Variants in GABARAPL2 observed in about 807,000 individuals in gnomAD.
GABARAPL2 encodes gamma-aminobutyric acid receptor-associated protein-like 2.
Under a neutral mutation model 16.9 loss-of-function variants are expected in GABARAPL2, and 11 were observed. That is an observed-to-expected ratio of 0.65 (90% CI 0.41 to 1.08). The LOEUF is 1.08. Ranked by LOEUF, GABARAPL2 falls within the 50% of genes least tolerant of loss-of-function variation. The pLI is 0.00. For missense variants in GABARAPL2, 134 were observed against 142.5 expected (o/e 0.94, Z 0.30); for synonymous variants, 57 against 50.7 (o/e 1.12, Z -0.53).
Position 75,566,561 on chromosome 16 carries a change from C to T in GABARAPL2, c.34+41C>T, listed in dbSNP as rs773580301. ...TCGGCCCGGCTGCTGGGGGCTGGGG[C>T]GGCGGGTGGGCCCCCTCCCCCACTC... On this transcript the variant is annotated intron_variant, in intron 1 of 3. Transcript: ENST00000037243. The T allele has an allele frequency of 6.2e-6, 10 of 1,601,040 alleles. No homozygotes were observed. The East Asian group carries it at 1.1e-4, about 18-fold the overall frequency.
chr16:75,566,666 C>A, intron 1 of GABARAPL2, 146 bp downstream of exon 1: 1 of 1,003,804 alleles, frequency 1.0e-6, no homozygotes, highest in Non-Finnish European at 1.5e-6. Context: ...CCTCGGGCAG[C>A]GGCCCCCTGA....
chr16:75,568,756 T>C (rs1276904162), intron 3 of GABARAPL2, among the ~76,000 whole-genome samples: 1 of 152,236 alleles, frequency 6.6e-6, no homozygotes, highest in African/African-American at 2.4e-5. Flanking sequence ...GCACTTGCTT[T>C]GACTGTCAGA....
intron 3 of GABARAPL2, chr16:75,568,428 A>C: frequency 2.5e-6 from 1 of 396,220 alleles, no homozygotes; most frequent in Non-Finnish European, 4.6e-6. Context: ...CTTTTAAAAA[A>C]ATGATGAAAC....
At chr16:75,570,346 TA>T (rs1388920425) in intron 3 of GABARAPL2, among the ~76,000 whole-genome samples, 3 of 152,164 alleles carry the variant, frequency 2.0e-5, no homozygotes, top group African/African-American at 7.2e-5. Context: ...CCCATAAACA[TA>T]AAAAGTGCTA....
intron 3 of GABARAPL2, among the ~76,000 whole-genome samples, chr16:75,574,702 T>TCC (rs564948713): frequency 1.3e-5 from 2 of 151,432 alleles, no homozygotes; most frequent in African/African-American, 4.9e-5. Flanking sequence ...CCCTCCCTTC[T>TCC]CCCCCCCAAC....
intron 3 of GABARAPL2, among the ~76,000 whole-genome samples, chr16:75,574,662 A>G (rs985006033): frequency 1.1e-4 from 17 of 151,882 alleles, no homozygotes; most frequent in African/African-American, 3.9e-4. Flanking sequence ...TTGTCACTCT[A>G]CTTCCTAATC....
At chr16:75,575,376 A>G (rs909550912) in intron 3 of GABARAPL2, among the ~76,000 whole-genome samples, 5 of 151,876 alleles carry the variant, frequency 3.3e-5, no homozygotes, top group African/African-American at 1.2e-4. Flanking sequence ...GCTCACTGCA[A>G]CCTCCACCTC....
chr16:75,575,281 TA>T (rs988079168), intron 3 of GABARAPL2, among the ~76,000 whole-genome samples: 5 of 150,624 alleles, frequency 3.3e-5, no homozygotes, highest in African/African-American at 4.9e-5. Context: ...ATTAAAAAAA[TA>T]AAAACAGTTG....
rs2080907006 is a variant in GABARAPL2 at position 75,570,176 on chromosome 16, A to G, written c.263+1967A>G. ...AGTGGTGCAATCTGAGCTCACTACA[A>G]TCTCTGCCTCCTAGGTTCAAGTGAT... On this transcript the variant is annotated intron_variant, in intron 3 of 3. Transcript: ENST00000037243. 2.6e-5 allele frequency among the ~76,000 whole-genome samples: 4 copies of G among 151,944 alleles called. No individual in the cohort carries two copies. In the South Asian group the frequency reaches 8.3e-4, roughly 32 times the overall value.
At position 75,566,435 on chromosome 16, in the gene GABARAPL2, C is replaced by G; in HGVS notation, c.-52C>G. The G allele has an allele frequency of 6.5e-6, 9 of 1,382,600 alleles. No homozygotes were observed. The highest frequency in any genetic ancestry group is 9.2e-6 in the Non-Finnish European group (9 of 983,216). The allele number at this position is 1,382,600 out of a possible 1,614,324, so 85.6% of individuals were successfully genotyped here. A position where few individuals can be genotyped will look rare whatever the true frequency, so the allele number is the denominator to read the frequency against. ...GCCGTCGTTGTTGTTGTGCTCGGTG[C>G]GCTGAGCTCCGCGGCTCCGCGAGCC... On this transcript the variant is annotated 5_prime_UTR_variant, in exon 1 of 4. Transcript: ENST00000037243.
At chr16:75,570,936 T>C (rs1267744446) in intron 3 of GABARAPL2, among the ~76,000 whole-genome samples, 2 of 152,220 alleles carry the variant, frequency 1.3e-5, no homozygotes, top group East Asian at 1.9e-4. Flanking sequence ...ACAAGTTTCC[T>C]AGTCATGACG....
At chr16:75,573,613 A>T (rs1466368650) in intron 3 of GABARAPL2, among the ~76,000 whole-genome samples, 1 of 152,238 alleles carries the variant, frequency 6.6e-6, no homozygotes, top group African/African-American at 2.4e-5. Context: ...AGAGAGCCCT[A>T]AGACCTTGCT....
Position 75,568,101 on chromosome 16 carries a change from C to T in GABARAPL2, c.155C>T (p.Pro52Leu). The change falls in exon 3 of 4, where the codon CCA becomes CTA. Residue 52 changes from proline to leucine, a missense_variant. Pro to Leu is a moderately conservative substitution (Grantham distance 98). Coordinates refer to ENST00000037243, the MANE Select transcript of GABARAPL2 (RefSeq NM_007285.7). ...ATTGACAAACGGAAGTACTTGGTTC[C>T]ATCTGATATCACTGTGGCTCAGTTC... ...VDIDKRKYLV[P>L]SDITVAQFMW... The T allele has an allele frequency of 6.2e-7, 1 of 1,612,018 alleles. No homozygotes were observed. The highest frequency in any genetic ancestry group is 8.5e-7 in the Non-Finnish European group (1 of 1,178,122).
In GABARAPL2 at chr16:75,566,872, G is replaced by T. The variant is rs11556294; in HGVS notation, c.55G>T (p.Ala19Ser). Reference sequence around the variant, plus strand: ...CACAGAACACAGATGCGTGGAGTCCGCGAAGATTCGAGCGAAATATCCCGA... The same window carrying T: ...CACAGAACACAGATGCGTGGAGTCCTCGAAGATTCGAGCGAAATATCCCGA... ...HSLEHRCVES[A>S]KIRAKYPDRV... The change falls in exon 2 of 4, where the codon GCG becomes TCG. Residue 19 changes from alanine to serine, a missense_variant. By Grantham distance (99) the Ala-to-Ser change is moderately conservative. Transcript: ENST00000037243. 1 of 1,613,518 alleles carries T rather than the reference G, an allele frequency of 6.2e-7. No homozygotes were observed. Among genetic ancestry groups the T allele is most frequent in the Admixed American group, 1.7e-5 (1 of 60,028 alleles).
At chr16:75,567,811 C>T (rs1464933958) in intron 2 of GABARAPL2, among the ~76,000 whole-genome samples, 1 of 152,206 alleles carries the variant, frequency 6.6e-6, no homozygotes, top group Non-Finnish European at 1.5e-5. Flanking sequence ...CTGCATTTCT[C>T]TTACATAATT....
chr16:75,568,171 G>C lies in GABARAPL2; in HGVS notation c.225G>C (p.Ala75=), dbSNP rs1451351536. 5 of 1,612,904 alleles carry C rather than the reference G, an allele frequency of 3.1e-6. No individual in the cohort carries two copies. The highest frequency in any genetic ancestry group is 4.5e-5 in the East Asian group (2 of 44,854). The change falls in exon 3 of 4, where the codon GCG becomes GCC. Residue 75 remains alanine, a synonymous_variant. Coordinates refer to ENST00000037243, the MANE Select transcript of GABARAPL2 (RefSeq NM_007285.7). ...GGATCCAGCTTCCTTCTGAAAAGGCGATCTTCCTGTTTGTGGATAAGACAG... is the reference window on the plus strand; with the variant it reads ...GGATCCAGCTTCCTTCTGAAAAGGCCATCTTCCTGTTTGTGGATAAGACAG... The part of the protein sequence containing the change: ...RKRIQLPSEK[A]IFLFVDKTVP...
At position 75,566,859 on chromosome 16, in the gene GABARAPL2, A is replaced by AT; in HGVS notation, c.43dup (p.Cys15LeufsTer29). ...CGTTTGTTTCTCCCACAGAACACAGATGCGTGGAGTCCGCGAAGATTCGAG... is the reference window on the plus strand; with the variant it reads ...CGTTTGTTTCTCCCACAGAACACAGATTGCGTGGAGTCCGCGAAGATTCGAG... On this transcript the variant is annotated frameshift_variant, in exon 2 of 4. Coordinates refer to ENST00000037243, the MANE Select transcript of GABARAPL2 (RefSeq NM_007285.7). LOFTEE classifies it high-confidence loss of function. 6.2e-7 allele frequency: 1 copy of AT among 1,613,354 alleles called. No homozygotes were observed.
At chr16:75,566,790 C>A in intron 1 of GABARAPL2, 62 bp from the exon 2 acceptor site, 1 of 1,470,890 alleles carries the variant, frequency 6.8e-7, no homozygotes, top group Non-Finnish European at 9.5e-7. Context: ...GGAGGAGGGC[C>A]GGGGGCCGGG....
chr16:75,577,388 G>T lies in GABARAPL2; in HGVS notation c.*19G>T. Reference sequence around the variant, plus strand: ...CTTCTGAGGGCCATTGCTGGGCTAGGTGCACCGTAACTGCTTGTGTATCTT... The same window carrying T: ...CTTCTGAGGGCCATTGCTGGGCTAGTTGCACCGTAACTGCTTGTGTATCTT... On this transcript the variant is annotated 3_prime_UTR_variant, in exon 4 of 4. Coordinates refer to ENST00000037243, the MANE Select transcript of GABARAPL2 (RefSeq NM_007285.7). 1 of 1,452,950 alleles carries T rather than the reference G, an allele frequency of 6.9e-7. No homozygotes were observed. Among genetic ancestry groups the T allele is most frequent in the Non-Finnish European group, 9.7e-7 (1 of 1,032,890 alleles). 90.0% of individuals were successfully genotyped at this position (1,452,950 alleles called of 1,614,324 possible).
Sources: gnomAD v4.1 joint callset for allele counts (sites outside exome capture counted in the v4.1 genomes callset) on GRCh38, gnomAD v4.1.1 for gene constraint, MANE v1.5 for transcripts, NCBI Gene and HGNC (gene_info 2026-07-23, HGNC 2026-07-21) for gene names.